The following MTHFD1 variants were observed in gnomAD, a reference collection of about 807,000 sequenced individuals.
The protein encoded by MTHFD1 is C-1-tetrahydrofolate synthase, cytoplasmic.
In MTHFD1, 44 loss-of-function variants were observed where a neutral mutation model predicts 110.3. That is an observed-to-expected ratio of 0.40 (90% confidence interval 0.31 to 0.51). The LOEUF (loss-of-function observed/expected upper bound fraction) is 0.51. MTHFD1 is among the 20% of genes least tolerant of loss of function. The pLI, the probability that MTHFD1 is intolerant of heterozygous loss-of-function variation, is 0.60. For missense variants in MTHFD1, 909 were observed against 1,173.1 expected (o/e 0.77, Z 3.29); for synonymous variants, 402 against 428.8 (o/e 0.94, Z 0.77).
At chr14:64,422,919 A>G (rs968853634) in intron 8 of MTHFD1, 1 of 152,156 alleles carries the variant, frequency 6.6e-6, no homozygotes, top group South Asian at 2.1e-4. Context: ...TTGGTTTAGG[A>G]GCAAAACTGA....
At chr14:64,453,557 G>A (rs977799382) in intron 24 of MTHFD1, among the ~76,000 whole-genome samples, 197 bp from the exon 25 acceptor site, 4 of 152,068 alleles carry the variant, frequency 2.6e-5, no homozygotes, top group Admixed American at 6.6e-5. Flanking sequence ...GCAACAGAGC[G>A]AAACTCCGTC....
At position 64,388,532 on chromosome 14, in the gene MTHFD1, C is replaced by A. The variant is rs2077781295; in HGVS notation, c.41+64C>A. ...ACGAGGGCTCTGAGGGTGTGCAGGTCCCCCGGACCCATTTTTTGCGGGAGG... is the reference window on the plus strand; with the variant it reads ...ACGAGGGCTCTGAGGGTGTGCAGGTACCCCGGACCCATTTTTTGCGGGAGG... On this transcript the variant is annotated intron_variant, in intron 1 of 27. Transcript: ENST00000652337. 5.4e-6 allele frequency: 8 copies of A among 1,488,024 alleles called. No individual in the cohort carries two copies. In the South Asian group the frequency reaches 6.8e-5, roughly 13 times the overall value. 92.2% of individuals were successfully genotyped at this position (1,488,024 alleles called of 1,614,324 possible).
At chr14:64,415,807 A>T in intron 6 of MTHFD1, 68 bp downstream of exon 6, 2 of 1,473,020 alleles carry the variant, frequency 1.4e-6, no homozygotes, top group Non-Finnish European at 1.9e-6. Flanking sequence ...ATGTGGTGGC[A>T]TAGAGGAGGT....
rs1336926811 is a variant in MTHFD1 at position 64,419,817 on chromosome 14, A to T, written c.619A>T (p.Asn207Tyr). 3.1e-6 allele frequency: 5 copies of T among 1,611,110 alleles called. No individual in the cohort carries two copies. The highest frequency in any genetic ancestry group is 3.3e-5 in the Admixed American group (2 of 59,992). ...TGTCCAAATCCCCTACCCCTAGGTA[A>T]ATAAAGGTGACATCCTGGTGGTTGC... ...SKTAHLDEEV[N>Y]KGDILVVATG... Residue 207 changes from asparagine to tyrosine, a missense_variant, in exon 8 of 28, where the codon AAT becomes TAT. Asn to Tyr is a moderately radical substitution (Grantham distance 143, BLOSUM62 -2). This residue lies in a region of MTHFD1 where 424 missense variants were observed against 510.4 expected (regional missense o/e 0.83). Transcript: ENST00000652337.
In MTHFD1 at chr14:64,414,890, T is replaced by C. The variant is rs567870694; in HGVS notation, c.241-468T>C. 7.2e-5 allele frequency among the ~76,000 whole-genome samples: 11 copies of C among 152,214 alleles called. 1 individual carries two copies. The South Asian group carries it at 1.7e-3, about 23-fold the overall frequency. ...TTTTAGTAGAGACAGGGTTTCACTA[T>C]GTTGGCCCAGCTGGTCTCAAACTCC... On this transcript the variant is annotated intron_variant, in intron 4 of 27. Coordinates refer to ENST00000652337, the MANE Select transcript of MTHFD1 (RefSeq NM_005956.4).
chr14:64,425,440 A>T (rs1184833480), intron 9 of MTHFD1, among the ~76,000 whole-genome samples: 4 of 151,874 alleles, frequency 2.6e-5, no homozygotes, highest in Admixed American at 2.0e-4. Flanking sequence ...GGAACTCCCG[A>T]CCTCAGGTGA....
At chr14:64,433,000 G>A (rs977393828) in intron 15 of MTHFD1, among the ~76,000 whole-genome samples, 5 of 152,196 alleles carry the variant, frequency 3.3e-5, no homozygotes, top group South Asian at 2.1e-4. Flanking sequence ...GGTCTAAAGC[G>A]ATGGTCCTGC....
At chr14:64,436,534 G>A (rs2078207372) in intron 16 of MTHFD1, among the ~76,000 whole-genome samples, 1 of 152,178 alleles carries the variant, frequency 6.6e-6, no homozygotes, top group Non-Finnish European at 1.5e-5. Flanking sequence ...TGCACAACTA[G>A]TGTAGCTTAG....
intron 1 of MTHFD1, among the ~76,000 whole-genome samples, chr14:64,391,456 C>T (rs1434825500): frequency 1.3e-5 from 2 of 152,206 alleles, no homozygotes; most frequent in Non-Finnish European, 2.9e-5. Flanking sequence ...TGAGCCACTG[C>T]GCCCCCGCTG....
At chr14:64,421,343 G>C (rs975001381) in intron 8 of MTHFD1, among the ~76,000 whole-genome samples, 2 of 152,274 alleles carry the variant, frequency 1.3e-5, no homozygotes, top group East Asian at 3.9e-4. Flanking sequence ...TTGTCGAAGG[G>C]AGTTATAGCT....
intron 9 of MTHFD1, among the ~76,000 whole-genome samples, chr14:64,425,201 C>T (rs2078109209): frequency 9.3e-5 from 14 of 150,550 alleles, no homozygotes; most frequent in Admixed American, 7.9e-4. Context: ...TTTGGTTTGC[C>T]TTCCCTTTCT....
intron 2 of MTHFD1, among the ~76,000 whole-genome samples, chr14:64,407,423 T>A (rs1490749728): frequency 6.6e-6 from 1 of 151,182 alleles, no homozygotes. Context: ...TGTAATCGTG[T>A]CATTGCACTC....
At chr14:64,459,288 AGG>A (rs1268727979) in intron 27 of MTHFD1, among the ~76,000 whole-genome samples, 3 of 152,238 alleles carry the variant, frequency 2.0e-5, no homozygotes, top group Admixed American at 1.3e-4. Flanking sequence ...ACATTAGCGA[AGG>A]GGCATTCTGA....
At chr14:64,405,512 G>T (rs10149005) in intron 2 of MTHFD1, among the ~76,000 whole-genome samples, 1 of 152,108 alleles carries the variant, frequency 6.6e-6, no homozygotes, top group African/African-American at 2.4e-5. Context: ...CTTTTTCGCT[G>T]TGGTGCTGGC....
chr14:64,393,549 C>T (rs2077823003), intron 1 of MTHFD1, among the ~76,000 whole-genome samples: 1 of 152,198 alleles, frequency 6.6e-6, no homozygotes, highest in Admixed American at 6.5e-5. Context: ...GAGGCTGGGA[C>T]CTTCAGCTAG....
Position 64,390,773 on chromosome 14 carries a change from C to T in MTHFD1, c.41+2305C>T, listed in dbSNP as rs191079659. The stretch of plus-strand genomic sequence containing the variant: ...AAGCGATTCTCCTGCCTCAGCCTCC[C>T]GAGTAGCTGAGACTACAGGTGTGTG... On this transcript the variant is annotated intron_variant, in intron 1 of 27. Coordinates refer to ENST00000652337, the MANE Select transcript of MTHFD1 (RefSeq NM_005956.4). Among the ~76,000 whole-genome samples the T allele has an allele frequency of 3.5e-3, 536 of 152,258 alleles. 2 individuals carry two copies. The highest frequency in any genetic ancestry group is 0.012 in the African/African-American group (501 of 41,548).
Position 64,441,426 on chromosome 14 carries a change from C to T in MTHFD1, c.1857C>T (p.Ile619=). The T allele has an allele frequency of 6.2e-7, 1 of 1,614,064 alleles. No homozygotes were observed. Among genetic ancestry groups the T allele is most frequent in the Non-Finnish European group, 8.5e-7 (1 of 1,179,984 alleles). The change falls in exon 19 of 28, where the codon ATC becomes ATT. Residue 619 remains isoleucine, a synonymous_variant. Transcript: ENST00000652337. ...TGACAGTGCTTATGAAGGACGCAATCAAGCCCAATCTCATGCAGACACTGG... is the reference window on the plus strand; with the variant it reads ...TGACAGTGCTTATGAAGGACGCAATTAAGCCCAATCTCATGCAGACACTGG... ...GALTVLMKDA[I]KPNLMQTLEG...
At chr14:64,439,535 A>G (rs781727012) in intron 17 of MTHFD1, among the ~76,000 whole-genome samples, 7 of 152,230 alleles carry the variant, frequency 4.6e-5, no homozygotes, top group Non-Finnish European at 1.0e-4. Flanking sequence ...CAATAAGCGC[A>G]TGATTATAAG....
chr14:64,441,796 C>G (rs1337689877), intron 19 of MTHFD1: 5 of 558,816 alleles, frequency 8.9e-6, no homozygotes, highest in Non-Finnish European at 1.6e-5. Flanking sequence ...GAGCGAGACT[C>G]CGTGTCAAAA....
Sources: allele counts gnomAD v4.1 joint callset (sites outside exome capture counted in the v4.1 genomes callset), GRCh38; gene constraint gnomAD v4.1.1; regional missense constraint gnomAD v4.1.1; transcripts MANE v1.5; gene names NCBI Gene and HGNC (gene_info 2026-07-23, HGNC 2026-07-21).